Variants in OPCML observed in about 807,000 individuals in gnomAD.
OPCML encodes the protein opioid-binding protein/cell adhesion molecule.
OPCML carries 13 observed loss-of-function variants against 37.8 expected under a neutral mutation model. The observed-to-expected ratio is 0.34, with a 90% confidence interval of 0.22 to 0.55. The LOEUF (loss-of-function observed/expected upper bound fraction) is 0.55. Among genes scored for constraint, OPCML ranks in the 20% least tolerant of loss-of-function variants. The pLI is 0.91. For missense variants in OPCML, 341 were observed against 435.6 expected (o/e 0.78, Z 1.93); for synonymous variants, 176 against 168.8 (o/e 1.04, Z -0.33).
At chr11:132,625,474 A>C (rs1192232939) in intron 3 of OPCML, among the ~76,000 whole-genome samples, 2 of 152,164 alleles carry the variant, frequency 1.3e-5, no homozygotes, top group African/African-American at 4.8e-5. Flanking sequence ...AATCTCCAGC[A>C]TCTCTGAGCC....
intron 1 of OPCML, among the ~76,000 whole-genome samples, chr11:133,463,733 G>A (rs569777968): frequency 9.2e-5 from 14 of 152,068 alleles, no homozygotes; most frequent in African/African-American, 3.4e-4. Flanking sequence ...TTTAGCTGAT[G>A]GAGTAATTGG....
At chr11:133,148,629 G>A (rs2137184464) in intron 1 of OPCML, among the ~76,000 whole-genome samples, 2 of 152,116 alleles carry the variant, frequency 1.3e-5, no homozygotes, top group South Asian at 2.1e-4. Context: ...CCTGCAGGGG[G>A]CGAAGAACTG....
chr11:132,697,976 C>CTATT lies in OPCML; in HGVS notation c.147-40661_147-40658dup, dbSNP rs59713386. Among the ~76,000 whole-genome samples the CTATT allele has an allele frequency of 6.6e-3, 891 of 134,178 alleles. 6 individuals carry two copies. Among genetic ancestry groups the CTATT allele is most frequent in the East Asian group, 0.016 (73 of 4,602 alleles). 88.0% of individuals were successfully genotyped at this position (134,178 alleles called of 152,430 possible). A position where few individuals can be genotyped will look rare whatever the true frequency, so the allele number is the denominator to read the frequency against. On this transcript the variant is annotated intron_variant, in intron 2 of 7. Coordinates refer to ENST00000524381, the MANE Select transcript of OPCML (RefSeq NM_001012393.5). ...ATATTAATTTATTTTATTTTATTTTCTATTTATTTATTTATTTATTTATTT... is the reference window on the plus strand; with the variant it reads ...ATATTAATTTATTTTATTTTATTTTCTATTTATTTATTTATTTATTTATTTATTT...
chr11:132,529,025 C>T, intron 4 of OPCML, 36 bp downstream of exon 4: 1 of 1,348,696 alleles, frequency 7.4e-7, no homozygotes, highest in Non-Finnish European at 1.1e-6. Context: ...CTTTAACATA[C>T]TACCTCTGAA....
chr11:133,157,360 G>T (rs1431822263), intron 1 of OPCML, among the ~76,000 whole-genome samples: 1 of 152,186 alleles, frequency 6.6e-6, no homozygotes, highest in Non-Finnish European at 1.5e-5. Context: ...CTCCCAGAAT[G>T]CTAGCAGGGC....
chr11:133,473,785 G>T (rs774593889), intron 1 of OPCML, among the ~76,000 whole-genome samples: 16 of 152,182 alleles, frequency 1.1e-4, no homozygotes, highest in Non-Finnish European at 1.9e-4. Context: ...ACCCACATGG[G>T]CAGGGCTGGT....
At chr11:133,522,066 T>TAG (rs1948407571) in intron 1 of OPCML, among the ~76,000 whole-genome samples, 1 of 152,138 alleles carries the variant, frequency 6.6e-6, no homozygotes, top group Non-Finnish European at 1.5e-5. Context: ...GTGGTGGTAT[T>TAG]AGGAGTGGGG....
intron 3 of OPCML, among the ~76,000 whole-genome samples, chr11:132,534,136 T>A (rs1399418125): frequency 6.6e-6 from 1 of 151,944 alleles, no homozygotes; most frequent in African/African-American, 2.4e-5. Context: ...TCTTCACATG[T>A]GTAATTTTTT....
At chr11:132,768,911 G>C (rs1362360172) in intron 2 of OPCML, among the ~76,000 whole-genome samples, 1 of 152,096 alleles carries the variant, frequency 6.6e-6, no homozygotes, top group Non-Finnish European at 1.5e-5. Flanking sequence ...ACAGATGAAA[G>C]GAGCACTTTA....
intron 1 of OPCML, among the ~76,000 whole-genome samples, chr11:133,037,718 G>A (rs542769245): frequency 4.6e-4 from 70 of 152,322 alleles, no homozygotes; most frequent in African/African-American, 1.7e-3. Context: ...GCGTTGGCAA[G>A]GTCACTGTTA....
At chr11:133,523,285 G>A (rs1343480469) in intron 1 of OPCML, among the ~76,000 whole-genome samples, 1 of 151,960 alleles carries the variant, frequency 6.6e-6, no homozygotes, top group African/African-American at 2.4e-5. Flanking sequence ...TAAACTGAAA[G>A]AGATAGCATA....
Position 133,211,300 on chromosome 11 carries a change from C to T in OPCML, c.62-268290G>A, listed in dbSNP as rs545775712. Among the ~76,000 whole-genome samples, 1 of 152,274 alleles carries T rather than the reference C, an allele frequency of 6.6e-6. No individual in the cohort carries two copies. The highest frequency in any genetic ancestry group is 1.5e-5 in the Non-Finnish European group (1 of 68,018). On this transcript the variant is annotated intron_variant, in intron 1 of 7. Transcript: ENST00000524381. The surrounding 1 kb of genome is among the most constrained non-coding windows in gnomAD (Gnocchi z 4.1). ...CTCTAATTGAGACCACAGCACCCAG[C>T]ACCTAAAAATCCACTCTTTAAGCAT...
intron 1 of OPCML, among the ~76,000 whole-genome samples, chr11:133,175,261 A>G (rs1950350548): frequency 6.6e-6 from 1 of 152,178 alleles, no homozygotes; most frequent in South Asian, 2.1e-4. Context: ...GGAAGAGGCA[A>G]CAATCAGAAA....
intron 2 of OPCML, among the ~76,000 whole-genome samples, chr11:132,935,717 C>G (rs977746625): frequency 2.0e-5 from 3 of 152,200 alleles, no homozygotes; most frequent in Admixed American, 2.0e-4. Context: ...GGCCTGCGCT[C>G]TCTGTGTTCA....
intron 1 of OPCML, among the ~76,000 whole-genome samples, chr11:133,054,044 C>T (rs936530666): frequency 6.6e-6 from 1 of 152,182 alleles, no homozygotes. Flanking sequence ...TAGATGTCAT[C>T]TTTGATTCTT....
chr11:132,508,473 T>G (rs1175335149), intron 4 of OPCML, among the ~76,000 whole-genome samples: 4 of 149,936 alleles, frequency 2.7e-5, no homozygotes, highest in Non-Finnish European at 3.0e-5. Flanking sequence ...AAAAAAACAT[T>G]GGACAAAATG....
At chr11:132,854,829 C>T (rs1455181515) in intron 2 of OPCML, among the ~76,000 whole-genome samples, 3 of 152,192 alleles carry the variant, frequency 2.0e-5, no homozygotes, top group Non-Finnish European at 4.4e-5. Flanking sequence ...CATGTTGAAA[C>T]TGCCTTTGCA....
chr11:133,144,270 G>A (rs899038189), intron 1 of OPCML, among the ~76,000 whole-genome samples: 1 of 152,220 alleles, frequency 6.6e-6, no homozygotes, highest in African/African-American at 2.4e-5. Flanking sequence ...TGCGACCATG[G>A]CACTCCCTGC....
chr11:132,819,568 C>T (rs984178078), intron 2 of OPCML, among the ~76,000 whole-genome samples: 1 of 151,990 alleles, frequency 6.6e-6, no homozygotes, highest in African/African-American at 2.4e-5. Flanking sequence ...AGATCATAGC[C>T]AAATTAAAAA....
Sources: gnomAD v4.1 joint callset for allele counts (sites outside exome capture counted in the v4.1 genomes callset) on GRCh38, gnomAD v4.1.1 for gene constraint, Gnocchi (gnomAD v3.1) non-coding constraint, MANE v1.5 for transcripts, NCBI Gene and HGNC (gene_info 2026-07-23, HGNC 2026-07-21) for gene names.